MCTP1: variants seen among roughly 807,000 people sequenced by gnomAD.
MCTP1 encodes the protein multiple C2 and transmembrane domain-containing protein 1.
MCTP1 carries 69 observed loss-of-function variants against 120.6 expected under a neutral mutation model. That is an observed-to-expected ratio of 0.57 (90% CI 0.47 to 0.70). The LOEUF is 0.70. Among genes scored for constraint, MCTP1 ranks in the 30% least tolerant of loss-of-function variants. MCTP1 has a pLI of 0.00. For synonymous variants in MCTP1, 529 were observed against 493.1 expected (o/e 1.07, Z -0.96); for missense variants, 1,203 against 1,248.8 (o/e 0.96, Z 0.55).
intron 1 of MCTP1, chr5:95,068,883 T>A: frequency 9.8e-7 from 1 of 1,016,014 alleles, no homozygotes; most frequent in African/African-American, 1.7e-5. Context: ...GGACATTATT[T>A]AATATCAATA....
chr5:94,905,255 G>C (rs1391919884), intron 10 of MCTP1, among the ~76,000 whole-genome samples: 2 of 151,888 alleles, frequency 1.3e-5, no homozygotes, highest in Non-Finnish European at 2.9e-5. Context: ...CAGAATAGCA[G>C]AAGTTCATAG....
At chr5:95,271,335 T>C (rs1231241064) in intron 1 of MCTP1, among the ~76,000 whole-genome samples, 1 of 152,212 alleles carries the variant, frequency 6.6e-6, no homozygotes, top group Non-Finnish European at 1.5e-5. Context: ...GGCTCTGCTG[T>C]CTCAGATCCA....
In MCTP1 at chr5:94,917,109, CCTTT is replaced by C. The variant is rs547435582; in HGVS notation, c.1350+783_1350+786del. ...TATGAAAAGCTGTGCTTCTTTTCTTCCTTTATTATTTTTTCTCCTAAATATATCT... is the reference window on the plus strand; with the variant it reads ...TATGAAAAGCTGTGCTTCTTTTCTTCATTATTTTTTCTCCTAAATATATCT... On this transcript the variant is annotated intron_variant, in intron 8 of 22. Coordinates refer to ENST00000515393, the MANE Select transcript of MCTP1 (RefSeq NM_024717.7). Among the ~76,000 whole-genome samples the C allele has an allele frequency of 2.1e-3, 327 of 152,252 alleles. 2 individuals are homozygous for C. The highest frequency in any genetic ancestry group is 7.3e-3 in the African/African-American group (303 of 41,554).
At chr5:94,881,891 A>G (rs1270140084) in intron 12 of MCTP1, among the ~76,000 whole-genome samples, 2 of 152,162 alleles carry the variant, frequency 1.3e-5, no homozygotes, top group East Asian at 1.9e-4. Context: ...TGGTTAGTCA[A>G]TGTCCTTCTT....
rs151251919 is a variant in MCTP1 at position 94,954,194 on chromosome 5, A to G, written c.839-833T>C. Among the ~76,000 whole-genome samples, 603 of 134,424 alleles carry G rather than the reference A, an allele frequency of 4.5e-3. 102 individuals are homozygous for G. Among genetic ancestry groups the G allele is most frequent in the East Asian group, 0.031 (144 of 4,632 alleles). The allele number at this position is 134,424 out of a possible 152,430, so 88.2% of individuals were successfully genotyped here. Reference sequence around the variant, plus strand: ...CATATATATATATGCATATATATATATATATATATATGCCATGGAATACTA... The same window carrying G: ...CATATATATATATGCATATATATATGTATATATATATGCCATGGAATACTA... On this transcript the variant is annotated intron_variant, in intron 2 of 22. Transcript: ENST00000515393.
rs1359684006 is a variant in MCTP1, at chr5:94,870,434, T to G, written c.2299A>C (p.Asn767His). The change falls in exon 16 of 23, where the codon AAC becomes CAC. Residue 767 changes from asparagine (N) to histidine (H), a missense_variant. Asn to His is a moderately conservative substitution (Grantham distance 68). Around this residue, in one of 2 missense-constraint regions of MCTP1, gnomAD observed 740 missense variants for 871.1 expected, o/e 0.85. Transcript: ENST00000515393. ...PKEQKYIEEENRLSKQLLLRN... is the reference protein window; with the variant it reads ...PKEQKYIEEEHRLSKQLLLRN... ...CTTTTTACCTGTTTAGAGAGTCTGT[T>G]TTCCTCTTCAATGTACTTCTGTTCT... is the stretch of plus-strand genomic sequence containing the variant. 1.9e-6 allele frequency: 3 copies of G among 1,611,696 alleles called. No individual in the cohort carries two copies. Among genetic ancestry groups the G allele is most frequent in the Non-Finnish European group, 2.5e-6 (3 of 1,178,108 alleles).
chr5:95,246,977 T>C (rs1467967053), intron 1 of MCTP1, among the ~76,000 whole-genome samples: 1 of 152,212 alleles, frequency 6.6e-6, no homozygotes, highest in Non-Finnish European at 1.5e-5. Context: ...TACCAGCTCC[T>C]CTTTGTACCT....
chr5:94,905,308 A>G (rs889180885), intron 10 of MCTP1, among the ~76,000 whole-genome samples: 5 of 152,224 alleles, frequency 3.3e-5, no homozygotes, highest in African/African-American at 1.2e-4. Flanking sequence ...CTTATAGGCC[A>G]CTGAAGGGAC....
At chr5:94,764,759 G>T (rs1184477338) in intron 19 of MCTP1, among the ~76,000 whole-genome samples, 1 of 141,440 alleles carries the variant, frequency 7.1e-6, no homozygotes, top group African/African-American at 2.6e-5. Context: ...AAAGGAGATA[G>T]AGACTCCAAC....
intron 1 of MCTP1, among the ~76,000 whole-genome samples, chr5:95,202,152 C>T (rs774499149): frequency 6.6e-6 from 1 of 152,066 alleles, no homozygotes; most frequent in Non-Finnish European, 1.5e-5. Context: ...TGGCTCGGGG[C>T]TCAGGTAGAA....
chr5:95,066,853 C>A (rs1217564282), intron 1 of MCTP1, among the ~76,000 whole-genome samples: 1 of 152,164 alleles, frequency 6.6e-6, no homozygotes. Flanking sequence ...TGAAATGAAA[C>A]TGTTCCACCT....
chr5:94,839,125 A>G (rs1394737442), intron 17 of MCTP1, among the ~76,000 whole-genome samples: 2 of 152,196 alleles, frequency 1.3e-5, no homozygotes, highest in Non-Finnish European at 2.9e-5. Flanking sequence ...GAACACAGAG[A>G]TAAATACTCC....
chr5:95,175,421 C>A (rs1414260200), intron 1 of MCTP1, among the ~76,000 whole-genome samples: 2 of 152,170 alleles, frequency 1.3e-5, no homozygotes, highest in African/African-American at 4.8e-5. Flanking sequence ...GGCTGACTGG[C>A]ACCTGTTTCA....
chr5:95,159,936 C>G (rs1745535541), intron 1 of MCTP1, among the ~76,000 whole-genome samples: 1 of 151,982 alleles, frequency 6.6e-6, no homozygotes, highest in South Asian at 2.1e-4. Flanking sequence ...GCAAAAGAGT[C>G]AACACACCTG....
rs943296414 is a variant in MCTP1 at position 94,825,389 on chromosome 5, A to T, written c.2437-26257T>A. On this transcript the variant is annotated intron_variant, in intron 17 of 22. Coordinates refer to ENST00000515393, the MANE Select transcript of MCTP1 (RefSeq NM_024717.7). ...TAATCCTGAGTTCTAATTTGATTGC[A>T]CTGTGGTCTGAGGGACTGTTTGTTA... Among the ~76,000 whole-genome samples the T allele has an allele frequency of 3.3e-5, 5 of 152,210 alleles. No individual in the cohort carries two copies. In the South Asian group the frequency reaches 1.0e-3, roughly 32 times the overall value.
chr5:95,088,813 GC>G (rs1308967586), intron 1 of MCTP1, among the ~76,000 whole-genome samples: 1 of 152,132 alleles, frequency 6.6e-6, no homozygotes, highest in Non-Finnish European at 1.5e-5. Context: ...GGAAACTGAG[GC>G]AAAGAAAGGT....
intron 2 of MCTP1, among the ~76,000 whole-genome samples, chr5:95,006,943 T>C (rs1834882021): frequency 6.6e-6 from 1 of 152,108 alleles, no homozygotes; most frequent in Non-Finnish European, 1.5e-5. Flanking sequence ...AACTGGGATA[T>C]ATGGCTGTAT....
intron 19 of MCTP1, among the ~76,000 whole-genome samples, chr5:94,741,321 GTA>G (rs995512621): frequency 6.6e-6 from 1 of 152,130 alleles, no homozygotes; most frequent in Non-Finnish European, 1.5e-5. Flanking sequence ...ACAATAAGAA[GTA>G]TAAAAATGGA....
chr5:95,181,177 G>C (rs1748552842), intron 1 of MCTP1, among the ~76,000 whole-genome samples: 1 of 152,192 alleles, frequency 6.6e-6, no homozygotes, highest in Non-Finnish European at 1.5e-5. Flanking sequence ...TCACTCCTCT[G>C]ATTAAAACTG....
Sources: gnomAD v4.1 joint callset for allele counts (sites outside exome capture counted in the v4.1 genomes callset) on GRCh38, gnomAD v4.1.1 for gene constraint, gnomAD v4.1.1 regional missense constraint, MANE v1.5 for transcripts, NCBI Gene and HGNC (gene_info 2026-07-23, HGNC 2026-07-21) for gene names.